The following CDH18 variants were observed in gnomAD, a reference collection of about 807,000 sequenced individuals.
The protein encoded by CDH18 is cadherin 18.
Under a neutral mutation model 67.9 loss-of-function variants are expected in CDH18, and 31 were observed. The ratio of observed to expected loss-of-function variants is 0.46; its 90% CI spans 0.34 to 0.62. The LOEUF (loss-of-function observed/expected upper bound fraction) is 0.62. Among genes scored for constraint, CDH18 ranks in the 20% least tolerant of loss-of-function variants. CDH18 has a pLI of 0.01. For synonymous variants in CDH18, 362 were observed against 347.2 expected, an observed-to-expected ratio of 1.04 and a Z score of -0.48; for missense variants, 890 against 975.5, an observed-to-expected ratio of 0.91 and a Z score of 1.17.
intron 2 of CDH18, among the ~76,000 whole-genome samples, chr5:19,994,009 G>A (rs1484226466): frequency 6.6e-6 from 1 of 152,138 alleles, no homozygotes; most frequent in Non-Finnish European, 1.5e-5. Context: ...TAAAAAATTA[G>A]AGACTAGTTA....
intron 2 of CDH18, among the ~76,000 whole-genome samples, chr5:20,155,875 G>A (rs371313431): frequency 3.0e-4 from 45 of 152,170 alleles, no homozygotes; most frequent in African/African-American, 7.2e-4. Flanking sequence ...TCAAAGATCC[G>A]TTGGTTGTAG....
intron 2 of CDH18, among the ~76,000 whole-genome samples, chr5:20,074,492 A>G (rs1270712163): frequency 6.6e-6 from 1 of 152,208 alleles, no homozygotes; most frequent in Non-Finnish European, 1.5e-5. Context: ...AAAGTCAAGG[A>G]AGGAAGTAAC....
At chr5:19,639,298 G>C (rs1753702715) in intron 5 of CDH18, among the ~76,000 whole-genome samples, 1 of 152,126 alleles carries the variant, frequency 6.6e-6, no homozygotes, top group Non-Finnish European at 1.5e-5. Flanking sequence ...ACCGCGCCCG[G>C]CCTGATGGCT....
chr5:19,914,071 C>T (rs538118277), intron 2 of CDH18, among the ~76,000 whole-genome samples: 1 of 152,146 alleles, frequency 6.6e-6, no homozygotes, highest in East Asian at 1.9e-4. Flanking sequence ...AAAAAGGAAA[C>T]TAAAATAGCT....
chr5:19,757,354 G>C (rs1168598907), intron 3 of CDH18, among the ~76,000 whole-genome samples: 1 of 152,214 alleles, frequency 6.6e-6, no homozygotes, highest in East Asian at 1.9e-4. Flanking sequence ...ATCTCCCCGA[G>C]GAATGGTGCC....
At chr5:19,776,095 G>C (rs1774332933) in intron 3 of CDH18, among the ~76,000 whole-genome samples, 1 of 152,000 alleles carries the variant, frequency 6.6e-6, no homozygotes, top group Non-Finnish European at 1.5e-5. Flanking sequence ...AAACCATCAA[G>C]AATGAGGAGA....
chr5:20,382,149 A>G (rs1277273796), intron 1 of CDH18, among the ~76,000 whole-genome samples: 1 of 152,206 alleles, frequency 6.6e-6, no homozygotes, highest in African/African-American at 2.4e-5. Flanking sequence ...ATTAGCCAAC[A>G]TTAGCCAAAT....
intron 1 of CDH18, among the ~76,000 whole-genome samples, chr5:20,524,319 A>G (rs13179418): frequency 0.42 from 63,752 of 152,032 alleles, 14,569 homozygotes; most frequent in East Asian, 0.56. Context: ...ACACAGGACA[A>G]TAACCATTTC....
intron 2 of CDH18, among the ~76,000 whole-genome samples, chr5:20,040,451 G>C (rs1740320685): frequency 6.6e-6 from 1 of 152,098 alleles, no homozygotes; most frequent in African/African-American, 2.4e-5. Flanking sequence ...TGAGTTTTAA[G>C]AGGACTTTGA....
At chr5:19,503,227 G>C (rs1201038910) in intron 10 of CDH18, 118 bp from the exon 11 acceptor site, 3 of 588,010 alleles carry the variant, frequency 5.1e-6, no homozygotes, top group Admixed American at 6.2e-5. Context: ...TCCAACTTGA[G>C]TTATTTTTCA....
At chr5:20,346,379 T>A (rs768125982) in intron 1 of CDH18, among the ~76,000 whole-genome samples, 54 of 152,324 alleles carry the variant, frequency 3.5e-4, no homozygotes, top group Non-Finnish European at 6.6e-4. Context: ...GCAGATTTAA[T>A]TGTTGGTGCC....
chr5:20,572,765 G>A (rs897624276), intron 1 of CDH18, among the ~76,000 whole-genome samples: 3 of 152,078 alleles, frequency 2.0e-5, no homozygotes, highest in African/African-American at 7.2e-5. Flanking sequence ...CTCAATTCTT[G>A]TTTCACAATG....
chr5:19,547,902 G>T (rs1261172552), intron 8 of CDH18, among the ~76,000 whole-genome samples: 2 of 152,036 alleles, frequency 1.3e-5, no homozygotes, highest in African/African-American at 4.8e-5. Flanking sequence ...CCCAGACATG[G>T]AAATAAAAAC....
At position 20,200,450 on chromosome 5, in the gene CDH18, G is replaced by T. The variant is rs138805369; in HGVS notation, c.-518+54994C>A. ...AGACTTTGGGAAGTCAAGGCAGGCAGATGTCTTGAGCTCAGGAGTTCAAGA... is the reference window on the plus strand; with the variant it reads ...AGACTTTGGGAAGTCAAGGCAGGCATATGTCTTGAGCTCAGGAGTTCAAGA... On this transcript the variant is annotated intron_variant, in intron 2 of 14. Coordinates refer to the CDH18 transcript ENST00000507958. Among the ~76,000 whole-genome samples the T allele has an allele frequency of 3.7e-3, 567 of 152,268 alleles. 5 individuals carry two copies. Among genetic ancestry groups the T allele is most frequent in the African/African-American group, 0.013 (553 of 41,542 alleles).
In CDH18 at chr5:20,292,143, G is replaced by A. The variant is rs573078086; in HGVS notation, c.-579-36638C>T. Reference sequence around the variant, plus strand: ...ATGTAAGAATGATATTCAGAACATGGATGAAGGCATTCGCTATTGGCAGTA... The same window carrying A: ...ATGTAAGAATGATATTCAGAACATGAATGAAGGCATTCGCTATTGGCAGTA... On this transcript the variant is annotated intron_variant, in intron 1 of 14. Coordinates refer to the CDH18 transcript ENST00000507958. 1.3e-4 allele frequency among the ~76,000 whole-genome samples: 20 copies of A among 152,342 alleles called. No individual in the cohort carries two copies. In the East Asian group the frequency reaches 3.9e-3, roughly 29 times the overall value.
intron 2 of CDH18, among the ~76,000 whole-genome samples, chr5:20,198,841 G>A (rs1049977404): frequency 5.9e-5 from 9 of 152,212 alleles, no homozygotes; most frequent in Admixed American, 3.9e-4. Flanking sequence ...TGCTCCAGCT[G>A]TGGCTAAAAG....
intron 1 of CDH18, among the ~76,000 whole-genome samples, chr5:20,410,014 A>C (rs1409579460): frequency 6.6e-6 from 1 of 151,792 alleles, no homozygotes; most frequent in African/African-American, 2.4e-5. Flanking sequence ...CAAAAAAGAA[A>C]AATCTATAGC....
chr5:19,917,409 A>G (rs1006268251), intron 2 of CDH18, among the ~76,000 whole-genome samples: 4 of 150,904 alleles, frequency 2.7e-5, no homozygotes, highest in Non-Finnish European at 5.9e-5. Flanking sequence ...TTCTTTTAGA[A>G]CAATGGTCCT....
intron 1 of CDH18, among the ~76,000 whole-genome samples, chr5:20,307,945 A>G (rs1217324834): frequency 1.3e-5 from 2 of 152,276 alleles, no homozygotes; most frequent in Middle Eastern, 3.4e-3. Flanking sequence ...AATGCAAACA[A>G]TTTAATTTAG....
Sources: allele counts gnomAD v4.1 joint callset (sites outside exome capture counted in the v4.1 genomes callset), GRCh38; gene constraint gnomAD v4.1.1; transcripts MANE v1.5; gene names NCBI Gene and HGNC (gene_info 2026-07-23, HGNC 2026-07-21).